Variants in ATG14 observed in about 807,000 individuals in gnomAD.
The protein encoded by ATG14 is beclin 1-associated autophagy-related key regulator.
A neutral mutation model predicts 60.4 loss-of-function variants in ATG14; 35 were observed. The ratio of observed to expected loss-of-function variants is 0.58; its 90% confidence interval spans 0.44 to 0.77. The LOEUF (loss-of-function observed/expected upper bound fraction) is 0.77. ATG14 is among the 30% of genes least tolerant of loss of function. The pLI is 0.00. For synonymous variants in ATG14, 234 were observed against 228.8 expected (o/e 1.02, Z -0.21); for missense variants, 647 against 626.3 (o/e 1.03, Z -0.35).
intron 9 of ATG14, among the ~76,000 whole-genome samples, chr14:55,370,324 C>G (rs1385225612): frequency 6.6e-6 from 1 of 152,168 alleles, no homozygotes; most frequent in Admixed American, 6.5e-5. Flanking sequence ...GATGTATACT[C>G]TGGATATTAT....
chr14:55,409,918 G>A (rs942113124), intron 1 of ATG14, among the ~76,000 whole-genome samples: 2 of 152,232 alleles, frequency 1.3e-5, no homozygotes, highest in South Asian at 4.1e-4. Flanking sequence ...ATAAGTTTAT[G>A]TCTCTGGTAG....
At chr14:55,385,620 A>T (rs1025445555) in intron 5 of ATG14, among the ~76,000 whole-genome samples, 5 of 152,268 alleles carry the variant, frequency 3.3e-5, no homozygotes, top group African/African-American at 1.2e-4. Flanking sequence ...CAGGAGTGTG[A>T]GTCAGCACCT....
rs1418314144 is a variant in ATG14 at position 55,383,550 on chromosome 14, C to CA, written c.648-1360dup. Among the ~76,000 whole-genome samples, 12 of 151,036 alleles carry CA rather than the reference C, an allele frequency of 7.9e-5. No homozygotes were observed. The East Asian group carries it at 2.1e-3, about 27-fold the overall frequency. ...TGGGTGACAAAGCGAGACTCCATCT[C>CA]AAAAAAACACAAAAAAACAAAACAA... On this transcript the variant is annotated intron_variant, in intron 5 of 9. Transcript: ENST00000247178.
At chr14:55,389,465 C>T (rs1248337262) in intron 4 of ATG14, among the ~76,000 whole-genome samples, 3 of 152,286 alleles carry the variant, frequency 2.0e-5, no homozygotes, top group East Asian at 1.9e-4. Flanking sequence ...TGAAACTCCA[C>T]GTGAGCACTT....
At chr14:55,373,620 C>T (rs891340198) in intron 9 of ATG14, among the ~76,000 whole-genome samples, 1 of 152,048 alleles carries the variant, frequency 6.6e-6, no homozygotes, top group Non-Finnish European at 1.5e-5. Context: ...CCACCACGCC[C>T]AGATAATTTC....
At position 55,367,769 on chromosome 14, in the gene ATG14, C is replaced by T. The variant is rs562439915; in HGVS notation, c.*1850G>A. On this transcript the variant is annotated 3_prime_UTR_variant, in exon 10 of 10. Transcript: ENST00000247178. The stretch of plus-strand genomic sequence containing the variant: ...CAAAAAAAAAAAAGACCACCCACAA[C>T]GAGAAAAGCCTACTTCCTCCTTTCA... 12 of 151,764 alleles carry T rather than the reference C, an allele frequency of 7.9e-5. No homozygotes were observed. The highest frequency in any genetic ancestry group is 1.4e-4 in the African/African-American group (6 of 41,420). 9.4% of individuals were successfully genotyped at this position (151,764 alleles called of 1,614,324 possible).
At chr14:55,383,565 A>C (rs1331457590) in intron 5 of ATG14, among the ~76,000 whole-genome samples, 1 of 151,902 alleles carries the variant, frequency 6.6e-6, no homozygotes, top group Non-Finnish European at 1.5e-5. Context: ...AAACACAAAA[A>C]AACAAAACAA....
chr14:55,375,658 A>C (rs1884905908), intron 9 of ATG14, among the ~76,000 whole-genome samples: 1 of 152,002 alleles, frequency 6.6e-6, no homozygotes, highest in Non-Finnish European at 1.5e-5. Flanking sequence ...CTATCATTTC[A>C]AACAGTTTCT....
intron 6 of ATG14, among the ~76,000 whole-genome samples, 185 bp from the exon 7 acceptor site, chr14:55,380,875 A>ATATATATATATATATATAT (rs377330757): frequency 1.8e-5 from 2 of 112,730 alleles, no homozygotes; most frequent in Admixed American, 9.0e-5. Flanking sequence ...ATATATATAT[A>ATATATATATATATATATAT]TTTTTTTTTT....
At chr14:55,398,295 C>T (rs1259574607) in intron 1 of ATG14, among the ~76,000 whole-genome samples, 1 of 152,070 alleles carries the variant, frequency 6.6e-6, no homozygotes, top group Non-Finnish European at 1.5e-5. Context: ...TTATTTTCTT[C>T]TTGCCAACTT....
chr14:55,374,417 GAA>G (rs1884881085), intron 9 of ATG14, among the ~76,000 whole-genome samples: 1 of 152,118 alleles, frequency 6.6e-6, no homozygotes, highest in South Asian at 2.1e-4. Flanking sequence ...GTACTGATTT[GAA>G]AGATTTCAGT....
At position 55,393,189 on chromosome 14, in the gene ATG14, G is replaced by A. The variant is rs576853762; in HGVS notation, c.328-2197C>T. On this transcript the variant is annotated intron_variant, in intron 3 of 9. Transcript: ENST00000247178. Reference sequence around the variant, plus strand: ...GAGGTCAGGAGATTGAGACCATCCTGGCTAACACGGTGAAACCCCGTCTCT... The same window carrying A: ...GAGGTCAGGAGATTGAGACCATCCTAGCTAACACGGTGAAACCCCGTCTCT... Among the ~76,000 whole-genome samples the A allele has an allele frequency of 1.2e-4, 18 of 151,944 alleles. No homozygotes were observed. The South Asian group carries it at 3.8e-3, about 32-fold the overall frequency.
chr14:55,398,418 CCTT>C (rs1436825751), intron 1 of ATG14, among the ~76,000 whole-genome samples: 14 of 152,206 alleles, frequency 9.2e-5, no homozygotes, highest in Middle Eastern at 3.4e-3. Flanking sequence ...TTTAAAATCT[CCTT>C]CTATGCACTG....
chr14:55,372,097 ATATC>A (rs1884832448), intron 9 of ATG14, among the ~76,000 whole-genome samples: 1 of 151,936 alleles, frequency 6.6e-6, no homozygotes, highest in Admixed American at 6.6e-5. Flanking sequence ...CCACTCCCAA[ATATC>A]CTCTGGTTAC....
intron 3 of ATG14, among the ~76,000 whole-genome samples, chr14:55,395,645 T>C (rs558015813): frequency 3.8e-4 from 58 of 152,352 alleles, no homozygotes; most frequent in African/African-American, 1.1e-3. Flanking sequence ...ATTAATCCAT[T>C]TGGAGTGTGT....
chr14:55,394,195 TG>T (rs1007065362), intron 3 of ATG14, among the ~76,000 whole-genome samples: 2 of 146,400 alleles, frequency 1.4e-5, no homozygotes, highest in African/African-American at 5.5e-5. Flanking sequence ...TTAGTACAGA[TG>T]GGGTTTCACC....
At chr14:55,397,226 A>G (rs1312550341) in intron 2 of ATG14, 146 bp downstream of exon 2, 7 of 746,848 alleles carry the variant, frequency 9.4e-6, no homozygotes, top group Non-Finnish European at 1.6e-5. Flanking sequence ...TACCTCTCCC[A>G]CATGCACTCC....
chr14:55,397,277 T>C, intron 2 of ATG14, 95 bp downstream of exon 2: 1 of 1,060,432 alleles, frequency 9.4e-7, no homozygotes. Flanking sequence ...ATTCAGTAAG[T>C]TAGCAATCCG....
intron 9 of ATG14, among the ~76,000 whole-genome samples, chr14:55,375,490 A>AATTTTTTTTTTTTTTTTTT (rs1555341540): frequency 8.5e-6 from 1 of 117,798 alleles, no homozygotes; most frequent in Non-Finnish European, 1.7e-5. Flanking sequence ...GCCGGGCTAA[A>AATTTTTTTTTTTTTTTTTT]TTTTTTTTTT....
Sources: gnomAD v4.1 joint callset for allele counts (sites outside exome capture counted in the v4.1 genomes callset) on GRCh38, gnomAD v4.1.1 for gene constraint, MANE v1.5 for transcripts, NCBI Gene and HGNC (gene_info 2026-07-23, HGNC 2026-07-21) for gene names.